Variants in LARGE1 observed in about 807,000 individuals in gnomAD.
The protein encoded by LARGE1 is xylosyl- and glucuronyltransferase LARGE1.
Under a neutral mutation model 87.6 loss-of-function variants are expected in LARGE1, and 43 were observed. That is an observed-to-expected ratio of 0.49 (90% CI 0.38 to 0.63). The LOEUF is 0.63. LARGE1 is among the 30% of genes least tolerant of loss of function. The pLI is 0.00. For missense variants in LARGE1, 802 were observed against 1,000.2 expected, an observed-to-expected ratio of 0.80 and a Z score of 2.67; for synonymous variants, 434 against 394.6, an observed-to-expected ratio of 1.10 and a Z score of -1.18.
chr22:33,817,066 A>G (rs1288994030), intron 1 of LARGE1, among the ~76,000 whole-genome samples: 1 of 152,184 alleles, frequency 6.6e-6, no homozygotes, highest in Non-Finnish European at 1.5e-5. Context: ...TTCTATACAT[A>G]CACACATGTG....
chr22:33,673,496 T>A (rs113219328), intron 2 of LARGE1, among the ~76,000 whole-genome samples: 10 of 152,238 alleles, frequency 6.6e-5, no homozygotes, highest in African/African-American at 2.4e-4. Flanking sequence ...TCCCCTTGCA[T>A]CCATTCTTGT....
intron 7 of LARGE1, among the ~76,000 whole-genome samples, chr22:33,430,118 G>A (rs1314213523): frequency 6.6e-6 from 1 of 152,180 alleles, no homozygotes; most frequent in Admixed American, 6.5e-5. Flanking sequence ...TAAAGTTCAA[G>A]CAAGGCAGGT....
At chr22:33,803,235 A>C (rs2086216721) in intron 1 of LARGE1, among the ~76,000 whole-genome samples, 1 of 145,632 alleles carries the variant, frequency 6.9e-6, no homozygotes, top group African/African-American at 2.4e-5. Flanking sequence ...GCTTCTATAC[A>C]ACTTCTATAC....
chr22:33,873,069 T>C (rs2064348939), intron 1 of LARGE1: 1 of 151,946 alleles, frequency 6.6e-6, no homozygotes, highest in African/African-American at 2.4e-5. Flanking sequence ...CCTCTTACAT[T>C]AAAATCGGAT....
chr22:33,869,699 G>A lies in LARGE1; in HGVS notation c.-83+50296C>T, dbSNP rs574027925. Among the ~76,000 whole-genome samples, 3 of 152,326 alleles carry A rather than the reference G, an allele frequency of 2.0e-5. No homozygotes were observed. In the East Asian group the frequency reaches 5.8e-4, roughly 29 times the overall value. ...CCTGGGAAGGGGGTCCCTTCTGGGA[G>A]GTGGTTCTCCTTTCTCCCCATTTCA... is the stretch of plus-strand genomic sequence containing the variant. On this transcript the variant is annotated intron_variant, in intron 1 of 14. Transcript: ENST00000397394.
Position 33,309,099 on chromosome 22 carries a change from C to T in LARGE1, c.1452-4592G>A, listed in dbSNP as rs553868855. On this transcript the variant is annotated intron_variant, in intron 11 of 14. Coordinates refer to ENST00000397394, the MANE Select transcript of LARGE1 (RefSeq NM_133642.5). ...TATTCTAGTGGGGAAAAAAGACAAT[C>T]GACAAACCAGAGGTTTGATTGGGGG... 9.2e-5 allele frequency among the ~76,000 whole-genome samples: 14 copies of T among 151,868 alleles called. No individual in the cohort carries two copies. In the East Asian group the frequency reaches 1.9e-3, roughly 21 times the overall value.
At chr22:33,163,518 AC>A (rs1236348618) in exon 12 of LARGE1, 1 of 152,200 alleles carries the variant, frequency 6.6e-6, no homozygotes, top group Non-Finnish European at 1.5e-5. Context: ...CTCTCTTTCC[AC>A]CCTTGTAGAA....
At chr22:33,358,068 T>C (rs755198875) in intron 9 of LARGE1, among the ~76,000 whole-genome samples, 2 of 152,136 alleles carry the variant, frequency 1.3e-5, no homozygotes, top group Admixed American at 6.5e-5. Flanking sequence ...CACAGGGCAA[T>C]AGTCCCAAAG....
chr22:33,919,808 G>A lies in LARGE1; in HGVS notation c.-83+187C>T, dbSNP rs77908284. 5.6e-3 allele frequency among the ~76,000 whole-genome samples: 856 copies of A among 152,296 alleles called. 7 individuals are homozygous for A. Among genetic ancestry groups the A allele is most frequent in the African/African-American group, 0.019 (779 of 41,578 alleles). On this transcript the variant is annotated intron_variant, in intron 1 of 14. Coordinates refer to ENST00000397394, the MANE Select transcript of LARGE1 (RefSeq NM_133642.5). ...GAGCAGGCCCTGAGGGGGTCCTGGG[G>A]ACTTCGGAGACTGGGGGCTTCCACC...
chr22:33,721,931 A>C (rs1053544341), intron 2 of LARGE1, among the ~76,000 whole-genome samples: 1 of 152,156 alleles, frequency 6.6e-6, no homozygotes, highest in Non-Finnish European at 1.5e-5. Context: ...CAGCAGTCAC[A>C]GCCACAATGG....
At chr22:33,295,029 G>A (rs895889065) in intron 12 of LARGE1, among the ~76,000 whole-genome samples, 1 of 152,172 alleles carries the variant, frequency 6.6e-6, no homozygotes, top group African/African-American at 2.4e-5. Flanking sequence ...TCCTAAAAAA[G>A]ATAACATTTG....
chr22:33,420,832 G>A (rs1334573740), intron 7 of LARGE1, among the ~76,000 whole-genome samples: 2 of 152,156 alleles, frequency 1.3e-5, no homozygotes, highest in African/African-American at 4.8e-5. Context: ...GGCAAAAGAC[G>A]GAGTTACTGT....
At chr22:33,233,917 C>T (rs746172226) in intron 11 of LARGE1, among the ~76,000 whole-genome samples, 1 of 152,206 alleles carries the variant, frequency 6.6e-6, no homozygotes, top group South Asian at 2.1e-4. Flanking sequence ...CTGTGTTATA[C>T]TAATTGTGAA....
chr22:33,098,463 C>CA, the LARGE1 span, among the ~76,000 whole-genome samples: 8 of 151,598 alleles, frequency 5.3e-5, no homozygotes, highest in South Asian at 1.0e-3. Context: ...ACTAAAAATA[C>CA]AAAAAAAATT....
intron 9 of LARGE1, among the ~76,000 whole-genome samples, chr22:33,372,059 T>C (rs190343830): frequency 3.9e-4 from 59 of 152,264 alleles, no homozygotes; most frequent in Middle Eastern, 3.4e-3. Flanking sequence ...AAAATAACTT[T>C]TCATGTACTT....
chr22:33,632,225 C>T lies in LARGE1; in HGVS notation c.409-5899G>A, dbSNP rs537317979. On this transcript the variant is annotated intron_variant, in intron 3 of 14. Transcript: ENST00000397394. The stretch of plus-strand genomic sequence containing the variant: ...CCAACCTCCGTGTCCCAGGTTCAAG[C>T]GATTCTCTTGCCTCAGCTTCTCAAG... 3.9e-5 allele frequency among the ~76,000 whole-genome samples: 6 copies of T among 152,274 alleles called. No individual in the cohort carries two copies. In the East Asian group the frequency reaches 7.7e-4, roughly 20 times the overall value.
chr22:33,356,004 T>A (rs1244290650), intron 9 of LARGE1, among the ~76,000 whole-genome samples: 1 of 151,364 alleles, frequency 6.6e-6, no homozygotes, highest in African/African-American at 2.4e-5. Context: ...GTATTTGGTA[T>A]GTAGTACATA....
At chr22:33,764,863 T>A (rs191006795) in intron 1 of LARGE1, among the ~76,000 whole-genome samples, 1 of 152,208 alleles carries the variant, frequency 6.6e-6, no homozygotes, top group African/African-American at 2.4e-5. Flanking sequence ...GACAAAAAAG[T>A]CTGCACGTGT....
Position 33,338,137 on chromosome 22 carries a change from A to G in LARGE1, c.1132-336T>C, listed in dbSNP as rs561606691. Among the ~76,000 whole-genome samples the G allele has an allele frequency of 5.3e-5, 8 of 152,166 alleles. No individual in the cohort carries two copies. The South Asian group carries it at 1.7e-3, about 32-fold the overall frequency. ...GATGTGATGCTTAGGCCACGACTCT[A>G]CAAACCCTAATTCTGCTTGGCCACC... is the stretch of plus-strand genomic sequence containing the variant. On this transcript the variant is annotated intron_variant, in intron 9 of 14. Coordinates refer to ENST00000397394, the MANE Select transcript of LARGE1 (RefSeq NM_133642.5).
Sources: allele counts gnomAD v4.1 joint callset (sites outside exome capture counted in the v4.1 genomes callset), GRCh38; gene constraint gnomAD v4.1.1; transcripts MANE v1.5; gene names NCBI Gene and HGNC (gene_info 2026-07-23, HGNC 2026-07-21).